LIFR: variants seen among roughly 807,000 people sequenced by gnomAD.
The protein encoded by LIFR is leukemia inhibitory factor receptor.
Under a neutral mutation model 122.2 loss-of-function variants are expected in LIFR, and 84 were observed. The observed-to-expected ratio is 0.69, with a 90% CI of 0.58 to 0.82. The LOEUF (loss-of-function observed/expected upper bound fraction) is 0.82, where lower values mean the gene tolerates loss of function less well. Among genes scored for constraint, LIFR ranks in the 40% least tolerant of loss-of-function variants. The pLI is 0.00. For synonymous variants in LIFR, 422 were observed against 434.7 expected, an observed-to-expected ratio of 0.97 and a Z score of 0.36; for missense variants, 1,294 against 1,311.6, an observed-to-expected ratio of 0.99 and a Z score of 0.21.
At chr5:38,562,138 C>T (rs903316000) in intron 1 of LIFR, among the ~76,000 whole-genome samples, 1 of 152,222 alleles carries the variant, frequency 6.6e-6, no homozygotes, top group African/African-American at 2.4e-5. Flanking sequence ...TGTCCATCCC[C>T]TCTGCTCTGC....
intron 5 of LIFR, among the ~76,000 whole-genome samples, chr5:38,513,555 C>G (rs1355660257): frequency 6.6e-6 from 1 of 152,188 alleles, no homozygotes; most frequent in Admixed American, 6.5e-5. Flanking sequence ...AGAATGGGGA[C>G]TATCATTCCA....
intron 1 of LIFR, among the ~76,000 whole-genome samples, chr5:38,565,743 A>T (rs1749002458): frequency 6.6e-6 from 1 of 152,090 alleles, no homozygotes; most frequent in Non-Finnish European, 1.5e-5. Context: ...ATGCACTGCC[A>T]TGCCTGGCTA....
At chr5:38,496,963 C>A (rs573037323) in intron 12 of LIFR, among the ~76,000 whole-genome samples, 1 of 152,024 alleles carries the variant, frequency 6.6e-6, no homozygotes, top group East Asian at 1.9e-4. Flanking sequence ...AGCAACAGAG[C>A]GAGACTCCAT....
At chr5:38,499,886 C>T (rs575597653) in intron 11 of LIFR, among the ~76,000 whole-genome samples, 2 of 152,296 alleles carry the variant, frequency 1.3e-5, no homozygotes, top group East Asian at 3.9e-4. Flanking sequence ...GGCTGTCCCT[C>T]AGATATGCCA....
At chr5:38,504,267 AAACCT>A in intron 9 of LIFR, 146 bp from the exon 10 acceptor site, 1 of 625,942 alleles carries the variant, frequency 1.6e-6, no homozygotes, top group South Asian at 2.0e-5. Flanking sequence ...TGGAATTGAC[AAACCT>A]AATTTCTACT....
chr5:38,488,114 A>T (rs974571471), intron 16 of LIFR, among the ~76,000 whole-genome samples: 1 of 152,234 alleles, frequency 6.6e-6, no homozygotes, highest in African/African-American at 2.4e-5. Flanking sequence ...TAGAATTTTA[A>T]CTGGTTCAAG....
At chr5:38,593,733 G>A (rs1396855195) in intron 1 of LIFR, among the ~76,000 whole-genome samples, 1 of 152,144 alleles carries the variant, frequency 6.6e-6, no homozygotes, top group Admixed American at 6.5e-5. Context: ...TGTGAGGGTA[G>A]AGGCCTCATG....
intron 9 of LIFR, 147 bp downstream of exon 9, chr5:38,505,758 A>C (rs1391275203): frequency 2.9e-6 from 1 of 340,550 alleles, no homozygotes; most frequent in Non-Finnish European, 5.3e-6. Flanking sequence ...ATACATTTAA[A>C]GTTTTTATAA....
chr5:38,493,474 C>A, intron 14 of LIFR, 132 bp downstream of exon 14: 1 of 799,250 alleles, frequency 1.3e-6, no homozygotes, highest in South Asian at 1.5e-5. Context: ...GCCACAACTA[C>A]CCTCCCAGGA....
At chr5:38,522,693 T>C (rs1047243573) in intron 5 of LIFR, among the ~76,000 whole-genome samples, 11 of 152,298 alleles carry the variant, frequency 7.2e-5, no homozygotes, top group Non-Finnish European at 5.9e-5. Context: ...AATACATGGG[T>C]TGTCAAAGAG....
intron 1 of LIFR, among the ~76,000 whole-genome samples, chr5:38,543,711 T>C (rs1288066515): frequency 1.3e-5 from 2 of 152,204 alleles, no homozygotes; most frequent in African/African-American, 4.8e-5. Context: ...ATGACATCTC[T>C]GCATGCATTC....
intron 1 of LIFR, among the ~76,000 whole-genome samples, chr5:38,564,408 G>A (rs1208973936): frequency 1.5e-5 from 1 of 68,310 alleles, no homozygotes; most frequent in Non-Finnish European, 2.8e-5. Flanking sequence ...TGTAGAGACA[G>A]GGTCTCATTA....
intron 1 of LIFR, among the ~76,000 whole-genome samples, chr5:38,539,441 T>C (rs1480743984): frequency 6.6e-6 from 1 of 152,118 alleles, no homozygotes; most frequent in Non-Finnish European, 1.5e-5. Context: ...GTAAAATCCA[T>C]AGTCTAGGAG....
Position 38,511,936 on chromosome 5 carries a change from T to C in LIFR, c.590A>G (p.Lys197Arg), listed in dbSNP as rs924613944. Residue 197 changes from lysine to arginine, a missense_variant, in exon 6 of 20, where the codon AAA (lysine) becomes AGA (arginine). By Grantham distance (26) the Lys-to-Arg change is conservative. Transcript: ENST00000453190. ...LVTHNTTLNG[K>R]DTLHHWSWAS... ...CCAACTCCAGTGATGAAGTGTATCT[T>C]TGCCATTCAGAGTTGTGTTGTGGGT... 5 of 1,614,112 alleles carry C rather than the reference T, an allele frequency of 3.1e-6. No individual in the cohort carries two copies. The highest frequency in any genetic ancestry group is 3.4e-6 in the Non-Finnish European group (4 of 1,179,994).
chr5:38,481,842 AT>A lies in LIFR; in HGVS notation c.3046del (p.Ile1016Ter). Reference protein sequence around the residue: ...HLPINSTVEDIAAEEDLDKTA... With the variant: ...HLPINSTVEDXAAEEDLDKTA... Reference sequence around the variant, plus strand: ...TTTATCTAAGTCCTCTTCTGCAGCTATATCTTCCACAGTAGAATTAATGGGG... The same window carrying A: ...TTTATCTAAGTCCTCTTCTGCAGCTAATCTTCCACAGTAGAATTAATGGGG... On this transcript the variant is annotated frameshift_variant, in exon 20 of 20. Transcript: ENST00000453190. LOFTEE classifies it high-confidence loss of function. The A allele has an allele frequency of 6.2e-7, 1 of 1,614,108 alleles. No homozygotes were observed. The highest frequency in any genetic ancestry group is 8.5e-7 in the Non-Finnish European group (1 of 1,180,024).
At chr5:38,584,888 A>G (rs1359313684) in intron 1 of LIFR, among the ~76,000 whole-genome samples, 2 of 152,180 alleles carry the variant, frequency 1.3e-5, no homozygotes, top group Admixed American at 6.5e-5. Flanking sequence ...AAAAGTGACT[A>G]TGTGAGAGGA....
At chr5:38,532,348 A>C (rs1337884424) in intron 1 of LIFR, among the ~76,000 whole-genome samples, 2 of 152,308 alleles carry the variant, frequency 1.3e-5, no homozygotes, top group East Asian at 3.9e-4. Flanking sequence ...TAAATCACTT[A>C]ATCCCTCCCT....
intron 1 of LIFR, among the ~76,000 whole-genome samples, chr5:38,538,293 C>T (rs1465509862): frequency 6.6e-6 from 1 of 152,212 alleles, no homozygotes. Flanking sequence ...ATTATCTGTG[C>T]TTGTGGCTAT....
chr5:38,534,583 C>T (rs575522657), intron 1 of LIFR, among the ~76,000 whole-genome samples: 1 of 152,216 alleles, frequency 6.6e-6, no homozygotes, highest in South Asian at 2.1e-4. Flanking sequence ...CCACATAACC[C>T]AGCACAAGGA....
Sources: gnomAD v4.1 joint callset for allele counts (sites outside exome capture counted in the v4.1 genomes callset) on GRCh38, gnomAD v4.1.1 for gene constraint, MANE v1.5 for transcripts, NCBI Gene and HGNC (gene_info 2026-07-23, HGNC 2026-07-21) for gene names.